The following GUCY1A1 variants were observed in gnomAD, a reference collection of about 807,000 sequenced individuals.
GUCY1A1 encodes guanylate cyclase 1 soluble subunit alpha 1.
GUCY1A1 carries 48 observed loss-of-function variants against 64.5 expected under a neutral mutation model. That is an observed-to-expected ratio of 0.74 (90% CI 0.59 to 0.95). The LOEUF (loss-of-function observed/expected upper bound fraction) is 0.95. Ranked by LOEUF, GUCY1A1 falls within the 40% of genes least tolerant of loss-of-function variation. The pLI is 0.00. For missense variants in GUCY1A1, 804 were observed against 825.3 expected, an observed-to-expected ratio of 0.97 and a Z score of 0.32; for synonymous variants, 308 against 303.4, an observed-to-expected ratio of 1.02 and a Z score of -0.16.
intron 3 of GUCY1A1, among the ~76,000 whole-genome samples, chr4:155,702,450 C>T (rs1281335523): frequency 6.6e-6 from 1 of 152,072 alleles, no homozygotes; most frequent in Non-Finnish European, 1.5e-5. Context: ...TTAATGTTAC[C>T]TTCCTTTTTC....
chr4:155,697,139 T>C lies in GUCY1A1; in HGVS notation c.255+17T>C. On this transcript the variant is annotated intron_variant, in intron 3 of 9. Transcript: ENST00000506455. ...TTCCCAGAGGTGAGTGCGTGCTCTT[T>C]AGATTTTGAAATTGTAATACTTTGA... The C allele has an allele frequency of 6.3e-7, 1 of 1,590,588 alleles. No homozygotes were observed. Among genetic ancestry groups the C allele is most frequent in the East Asian group, 2.2e-5 (1 of 44,662 alleles).
At chr4:155,702,339 T>C (rs998132878) in intron 3 of GUCY1A1, among the ~76,000 whole-genome samples, 1 of 152,124 alleles carries the variant, frequency 6.6e-6, no homozygotes, top group Non-Finnish European at 1.5e-5. Context: ...TGATACTCTG[T>C]TAACTGGAGT....
Position 155,696,906 on chromosome 4 carries a change from A to C in GUCY1A1, c.39A>C (p.Gly13=). 6.2e-7 allele frequency: 1 copy of C among 1,613,446 alleles called. No homozygotes were observed. The highest frequency in any genetic ancestry group is 1.7e-5 in the Admixed American group (1 of 59,952). The part of the protein sequence containing the change: ...CTKLKDLKIT[G]ECPFSLLAPG... Reference sequence around the variant, plus strand: ...AGCTCAAGGATCTCAAGATCACAGGAGAGTGTCCTTTCTCCTTACTGGCAC... The same window carrying C: ...AGCTCAAGGATCTCAAGATCACAGGCGAGTGTCCTTTCTCCTTACTGGCAC... Residue 13 remains glycine, a synonymous_variant, in exon 3 of 10, where the codon GGA becomes GGC. Transcript: ENST00000506455.
chr4:155,710,595 T>A lies in GUCY1A1; in HGVS notation c.430T>A (p.Cys144Ser). 1 of 1,612,816 alleles carries A rather than the reference T, an allele frequency of 6.2e-7. No individual in the cohort carries two copies. Among genetic ancestry groups the A allele is most frequent in the Non-Finnish European group, 8.5e-7 (1 of 1,179,478 alleles). The part of the protein sequence containing the change: ...ESLGEEVFKI[C>S]YEEDENILGV... ...TCTTGGTGAAGAGGTTTTTAAAATA[T>A]GTTACGAGGAAGATGAAAACATCCT... is the stretch of plus-strand genomic sequence containing the variant. The change falls in exon 6 of 10, where the codon TGT becomes AGT. Residue 144 changes from cysteine (C) to serine (S), a missense_variant. Transcript: ENST00000506455.
At chr4:155,709,205 C>G (rs1329907071) in intron 5 of GUCY1A1, among the ~76,000 whole-genome samples, 1 of 136,502 alleles carries the variant, frequency 7.3e-6, no homozygotes, top group Non-Finnish European at 1.6e-5. Flanking sequence ...CGTCCTGACA[C>G]CTTCTTACAT....
At chr4:155,680,969 A>ATG (rs752773343) in intron 2 of GUCY1A1, among the ~76,000 whole-genome samples, 17 of 142,396 alleles carry the variant, frequency 1.2e-4, no homozygotes, top group African/African-American at 4.5e-4. Flanking sequence ...ACACACATGC[A>ATG]CACACACACA....
At chr4:155,699,896 T>C (rs1159989394) in intron 3 of GUCY1A1, among the ~76,000 whole-genome samples, 1 of 152,174 alleles carries the variant, frequency 6.6e-6, no homozygotes, top group African/African-American at 2.4e-5. Flanking sequence ...TTAGAAAATG[T>C]AACATGAGAG....
At chr4:155,725,505 T>G (rs971977884) in intron 9 of GUCY1A1, among the ~76,000 whole-genome samples, 1 of 152,124 alleles carries the variant, frequency 6.6e-6, no homozygotes, top group Non-Finnish European at 1.5e-5. Flanking sequence ...CTTTCAATGT[T>G]AAGTGATGTG....
Position 155,733,460 on chromosome 4 carries a change from G to T in GUCY1A1, c.*3229G>T, listed in dbSNP as rs769408371. On this transcript the variant is annotated 3_prime_UTR_variant, in exon 10 of 10. Coordinates refer to ENST00000506455, the MANE Select transcript of GUCY1A1 (RefSeq NM_001130682.3). ...AAAAGACCATCTGGGCAAAAATCAC[G>T]AAGGGGTATGTGTGTCATGTAAAGG... Among the ~76,000 whole-genome samples the T allele has an allele frequency of 1.3e-5, 2 of 151,654 alleles. No homozygotes were observed. Among genetic ancestry groups the T allele is most frequent in the African/African-American group, 4.8e-5 (2 of 41,322 alleles).
chr4:155,697,477 C>T (rs1312812384), intron 3 of GUCY1A1, among the ~76,000 whole-genome samples: 2 of 152,146 alleles, frequency 1.3e-5, no homozygotes, highest in African/African-American at 2.4e-5. Context: ...TGAAACCATC[C>T]ATAGCTCTTG....
intron 9 of GUCY1A1, chr4:155,722,459 CA>C: frequency 8.0e-7 from 1 of 1,253,382 alleles, no homozygotes; most frequent in Non-Finnish European, 1.0e-6. Flanking sequence ...TTTAGAAGCA[CA>C]TATTAATACT....
chr4:155,714,395 G>A (rs1732968254), intron 7 of GUCY1A1, among the ~76,000 whole-genome samples: 1 of 152,216 alleles, frequency 6.6e-6, no homozygotes, highest in African/African-American at 2.4e-5. Flanking sequence ...AGGCATCATT[G>A]TAGGCACTGG....
intron 2 of GUCY1A1, among the ~76,000 whole-genome samples, chr4:155,686,684 A>C (rs1729039849): frequency 1.3e-5 from 2 of 152,220 alleles, no homozygotes; most frequent in Non-Finnish European, 2.9e-5. Flanking sequence ...CCACATTGGG[A>C]ATAATATGAA....
intron 9 of GUCY1A1, among the ~76,000 whole-genome samples, chr4:155,725,059 A>C (rs771605474): frequency 2.0e-5 from 3 of 151,818 alleles, no homozygotes; most frequent in Non-Finnish European, 2.9e-5. Context: ...TATAGCAACA[A>C]CCTTCTCCTC....
intron 2 of GUCY1A1, among the ~76,000 whole-genome samples, chr4:155,680,980 C>T (rs775375613): frequency 4.6e-5 from 7 of 151,954 alleles, no homozygotes; most frequent in Non-Finnish European, 1.0e-4. Flanking sequence ...CACACACACA[C>T]ACGTGCACAT....
chr4:155,671,081 A>T (rs968388260), intron 2 of GUCY1A1, among the ~76,000 whole-genome samples: 1 of 152,148 alleles, frequency 6.6e-6, no homozygotes, highest in Non-Finnish European at 1.5e-5. Flanking sequence ...TGCTTGGTGC[A>T]TAGTAGGTGT....
At chr4:155,704,795 C>A (rs1475808233) in intron 4 of GUCY1A1, among the ~76,000 whole-genome samples, 2 of 152,152 alleles carry the variant, frequency 1.3e-5, no homozygotes, top group Non-Finnish European at 2.9e-5. Context: ...TAGCTCACTG[C>A]TGCCCAGAAC....
chr4:155,708,212 C>T (rs776570084), intron 4 of GUCY1A1, 24 bp from the exon 5 acceptor site: 2 of 1,156,116 alleles, frequency 1.7e-6, no homozygotes, highest in Non-Finnish European at 2.6e-6. Flanking sequence ...AAGTTTATAA[C>T]TTAAAATATT....
intron 3 of GUCY1A1, among the ~76,000 whole-genome samples, chr4:155,703,140 A>G (rs1731313265): frequency 2.0e-5 from 3 of 152,148 alleles, no homozygotes; most frequent in African/African-American, 4.8e-5. Flanking sequence ...AGATAAATTA[A>G]TAGCTACTCA....
Sources: allele counts gnomAD v4.1 joint callset (sites outside exome capture counted in the v4.1 genomes callset), GRCh38; gene constraint gnomAD v4.1.1; transcripts MANE v1.5; gene names NCBI Gene and HGNC (gene_info 2026-07-23, HGNC 2026-07-21).